The following BCL7A variants were observed in gnomAD, a reference collection of about 807,000 sequenced individuals.
BCL7A encodes B-cell CLL/lymphoma 7 protein family member A.
Under a neutral mutation model 28.4 loss-of-function variants are expected in BCL7A, and 11 were observed. That is an observed-to-expected ratio of 0.39 (90% CI 0.24 to 0.64). The LOEUF (loss-of-function observed/expected upper bound fraction) is 0.64. Among genes scored for constraint, BCL7A ranks in the 30% least tolerant of loss-of-function variants. BCL7A has a pLI of 0.50. For synonymous variants in BCL7A, 123 were observed against 103.3 expected, an observed-to-expected ratio of 1.19 and a Z score of -1.15; for missense variants, 222 against 274.8, an observed-to-expected ratio of 0.81 and a Z score of 1.36.
At chr12:122,055,128 C>T in intron 5 of BCL7A, 1 of 1,073,272 alleles carries the variant, frequency 9.3e-7, no homozygotes, top group South Asian at 1.6e-5. Flanking sequence ...GATAATGAGA[C>T]TTGTGGCCTC....
At chr12:122,032,881 G>C (rs983468467) in intron 2 of BCL7A, among the ~76,000 whole-genome samples, 1 of 152,076 alleles carries the variant, frequency 6.6e-6, no homozygotes, top group Non-Finnish European at 1.5e-5. Flanking sequence ...GATGGTTCTC[G>C]GCCTGGCTGA....
Position 122,030,817 on chromosome 12 carries a change from C to T in BCL7A, c.174+36C>T, listed in dbSNP as rs1437405815. 6 of 1,584,690 alleles carry T rather than the reference C, an allele frequency of 3.8e-6. No homozygotes were observed. The South Asian group carries it at 5.5e-5, about 15-fold the overall frequency. On this transcript the variant is annotated intron_variant, in intron 2 of 5. Coordinates refer to ENST00000261822, the MANE Select transcript of BCL7A (RefSeq NM_001024808.3). The stretch of plus-strand genomic sequence containing the variant: ...AGGGCTGGTCCCCTGGGGTGGGCCA[C>T]CCATTCGTGCTCCTCCCACCATGGG...
chr12:122,022,290 C>T (rs1883481365), intron 1 of BCL7A, 107 bp downstream of exon 1: 9 of 606,180 alleles, frequency 1.5e-5, no homozygotes, highest in South Asian at 6.9e-5. Flanking sequence ...CCCGGCCCAG[C>T]CCCGCCGCGG....
intron 1 of BCL7A, among the ~76,000 whole-genome samples, chr12:122,025,391 C>T (rs1163356056): frequency 1.3e-5 from 2 of 152,058 alleles, no homozygotes; most frequent in South Asian, 2.1e-4. Context: ...TCTGGGAGGC[C>T]GGGCAGGCGG....
intron 1 of BCL7A, among the ~76,000 whole-genome samples, chr12:122,027,526 G>A (rs1883654020): frequency 6.8e-6 from 1 of 147,516 alleles, no homozygotes; most frequent in Admixed American, 6.7e-5. Context: ...GGCAACAGAG[G>A]GAGACCTTAT....
chr12:122,045,696 T>C (rs573967397), intron 4 of BCL7A, among the ~76,000 whole-genome samples: 2 of 152,126 alleles, frequency 1.3e-5, no homozygotes, highest in South Asian at 2.1e-4. Context: ...GGCTTTTGGG[T>C]TTCTTTTGCT....
intron 1 of BCL7A, among the ~76,000 whole-genome samples, chr12:122,023,724 C>G (rs1593020091): frequency 2.0e-5 from 3 of 152,254 alleles, no homozygotes; most frequent in South Asian, 2.1e-4. Context: ...CCGACTGGAG[C>G]CATTTAAAAA....
intron 5 of BCL7A, 188 bp downstream of exon 5, chr12:122,055,114 G>A (rs369018022): frequency 2.7e-5 from 32 of 1,177,038 alleles, no homozygotes; most frequent in Non-Finnish European, 3.5e-5. Context: ...CTCTGGGGCC[G>A]AGGGATAATG....
At chr12:122,023,215 A>G (rs561206226) in intron 1 of BCL7A, among the ~76,000 whole-genome samples, 1 of 152,188 alleles carries the variant, frequency 6.6e-6, no homozygotes, top group Admixed American at 6.5e-5. Flanking sequence ...GAGTTGTTGA[A>G]AACTCCCCGC....
At chr12:122,035,481 G>A in intron 3 of BCL7A, 54 bp downstream of exon 3, 2 of 1,493,850 alleles carry the variant, frequency 1.3e-6, no homozygotes, top group Non-Finnish European at 1.9e-6. Context: ...CCTTGGCCAA[G>A]CACTCGGTCA....
At chr12:122,056,772 C>T (rs139693326) in intron 5 of BCL7A, among the ~76,000 whole-genome samples, 2 of 152,062 alleles carry the variant, frequency 1.3e-5, no homozygotes, top group African/African-American at 4.8e-5. Flanking sequence ...TACCATTGCC[C>T]TCCAGCCTGG....
At chr12:122,042,261 A>G (rs1883977904) in intron 3 of BCL7A, among the ~76,000 whole-genome samples, 1 of 151,882 alleles carries the variant, frequency 6.6e-6, no homozygotes, top group Non-Finnish European at 1.5e-5. Flanking sequence ...CCCCCTGTAC[A>G]CTCCACCTTG....
At chr12:122,049,492 G>A (rs193085282) in intron 4 of BCL7A, among the ~76,000 whole-genome samples, 7 of 152,102 alleles carry the variant, frequency 4.6e-5, no homozygotes, top group Non-Finnish European at 2.9e-5. Flanking sequence ...GACCAGCCTG[G>A]CCAACATAGT....
At chr12:122,024,712 A>G (rs904732540) in intron 1 of BCL7A, among the ~76,000 whole-genome samples, 1 of 152,176 alleles carries the variant, frequency 6.6e-6, no homozygotes, top group African/African-American at 2.4e-5. Context: ...TGAATTTCAG[A>G]TAAACAATGA....
At chr12:122,037,975 G>A (rs1389497202) in intron 3 of BCL7A, among the ~76,000 whole-genome samples, 2 of 151,914 alleles carry the variant, frequency 1.3e-5, no homozygotes, top group Non-Finnish European at 2.9e-5. Context: ...CAAAAAATTA[G>A]CTGGGTGTAG....
At chr12:122,031,590 AC>A (rs1883746701) in intron 2 of BCL7A, among the ~76,000 whole-genome samples, 1 of 152,230 alleles carries the variant, frequency 6.6e-6, no homozygotes, top group South Asian at 2.1e-4. Context: ...AAGCCACTTC[AC>A]ATGGCTCACC....
At chr12:122,058,649 C>T (rs191455758) in intron 5 of BCL7A, among the ~76,000 whole-genome samples, 2 of 152,156 alleles carry the variant, frequency 1.3e-5, no homozygotes, top group African/African-American at 4.8e-5. Context: ...CAGAGTGAGA[C>T]TCCATCTCAA....
At chr12:122,044,134 G>T in intron 4 of BCL7A, 81 bp downstream of exon 4, 2 of 1,493,106 alleles carry the variant, frequency 1.3e-6, no homozygotes, top group Non-Finnish European at 9.0e-7. Flanking sequence ...TGTTCCAGGA[G>T]GCCCTGTCAT....
intron 4 of BCL7A, among the ~76,000 whole-genome samples, chr12:122,052,566 G>A (rs1425391095): frequency 6.6e-6 from 1 of 152,170 alleles, no homozygotes; most frequent in Non-Finnish European, 1.5e-5. Context: ...GTCTCCATGG[G>A]TTTGCCTATT....
Sources: gnomAD v4.1 joint callset for allele counts (sites outside exome capture counted in the v4.1 genomes callset) on GRCh38, gnomAD v4.1.1 for gene constraint, MANE v1.5 for transcripts, NCBI Gene and HGNC (gene_info 2026-07-23, HGNC 2026-07-21) for gene names.